Variants in SLC35F1 observed in about 807,000 individuals in gnomAD.
SLC35F1 encodes the protein chromosome 6 open reading frame 169.
Under a neutral mutation model 48.7 loss-of-function variants are expected in SLC35F1, and 14 were observed. The ratio of observed to expected loss-of-function variants is 0.29; its 90% CI spans 0.19 to 0.45. The LOEUF (loss-of-function observed/expected upper bound fraction) is 0.45, where lower values mean the gene tolerates loss of function less well. Ranked by LOEUF, SLC35F1 falls within the 20% of genes least tolerant of loss-of-function variation. SLC35F1 has a pLI of 1.00. For missense variants in SLC35F1, 404 were observed against 500.0 expected (o/e 0.81, Z 1.83); for synonymous variants, 190 against 202.2 (o/e 0.94, Z 0.51).
intron 1 of SLC35F1, among the ~76,000 whole-genome samples, chr6:117,965,537 A>G (rs1389306526): frequency 6.6e-6 from 1 of 152,184 alleles, no homozygotes; most frequent in Non-Finnish European, 1.5e-5. Context: ...TTAGGGAGGA[A>G]GAGCACCCGT....
At chr6:118,240,222 G>A (rs1216892825) in intron 3 of SLC35F1, among the ~76,000 whole-genome samples, 1 of 152,228 alleles carries the variant, frequency 6.6e-6, no homozygotes, top group Non-Finnish European at 1.5e-5. Context: ...AACACCAAGT[G>A]TGGCAAGAGA....
chr6:118,028,887 C>A (rs1223370075), intron 1 of SLC35F1, among the ~76,000 whole-genome samples: 2 of 151,904 alleles, frequency 1.3e-5, no homozygotes, highest in Non-Finnish European at 2.9e-5. Flanking sequence ...GAAATATAAT[C>A]CTGGGTTTGG....
In SLC35F1 at chr6:118,051,277, A is replaced by T. The variant is rs76494264; in HGVS notation, c.174-103168A>T. Among the ~76,000 whole-genome samples the T allele has an allele frequency of 2.6e-5, 4 of 152,238 alleles. No individual in the cohort carries two copies. The East Asian group carries it at 7.7e-4, about 29-fold the overall frequency. Reference sequence around the variant, plus strand: ...ATTTAATTTTCCAAAAAAGAAGCTCAAAGTGTATTTCCTTTTGTTCCTTTA... The same window carrying T: ...ATTTAATTTTCCAAAAAAGAAGCTCTAAGTGTATTTCCTTTTGTTCCTTTA... On this transcript the variant is annotated intron_variant, in intron 1 of 7. Transcript: ENST00000360388.
intron 6 of SLC35F1, among the ~76,000 whole-genome samples, chr6:118,284,654 A>AT (rs1337392260): frequency 7.2e-5 from 11 of 152,184 alleles, no homozygotes; most frequent in Admixed American, 1.3e-4. Flanking sequence ...CCAGCAATGA[A>AT]TTCGTCCACC....
At chr6:118,086,208 A>G (rs1227816494) in intron 1 of SLC35F1, among the ~76,000 whole-genome samples, 1 of 152,198 alleles carries the variant, frequency 6.6e-6, no homozygotes, top group African/African-American at 2.4e-5. Flanking sequence ...CCCATTGGAG[A>G]CTAGTCCCTG....
chr6:117,923,651 G>GTATATATGTATATA (rs1554216680), intron 1 of SLC35F1, among the ~76,000 whole-genome samples: 3 of 17,500 alleles, frequency 1.7e-4, no homozygotes, highest in Admixed American at 7.4e-4. Context: ...ATGTACATAT[G>GTATATATGTATATA]TACATATGTA....
chr6:118,164,866 T>C (rs1420234953), intron 2 of SLC35F1, among the ~76,000 whole-genome samples: 4 of 152,206 alleles, frequency 2.6e-5, no homozygotes, highest in Non-Finnish European at 4.4e-5. Flanking sequence ...ACAGTCATTT[T>C]AGATATTTTC....
chr6:118,150,865 A>G (rs1774046262), intron 1 of SLC35F1, among the ~76,000 whole-genome samples: 1 of 152,112 alleles, frequency 6.6e-6, no homozygotes, highest in African/African-American at 2.4e-5. Flanking sequence ...AAATTCTGCA[A>G]AGTCAACATC....
In SLC35F1 at chr6:118,017,560, A is replaced by C. The variant is rs1206354149; in HGVS notation, c.173+109661A>C. ...ACTTCAAGTAGAGAGTGCTCTTCTA[A>C]ATAATGGCAACTTGGCAACTGCATG... On this transcript the variant is annotated intron_variant, in intron 1 of 7. Coordinates refer to ENST00000360388, the MANE Select transcript of SLC35F1 (RefSeq NM_001029858.4). 2.6e-5 allele frequency among the ~76,000 whole-genome samples: 4 copies of C among 152,158 alleles called. No homozygotes were observed. In the East Asian group the frequency reaches 7.7e-4, roughly 29 times the overall value.
intron 2 of SLC35F1, among the ~76,000 whole-genome samples, chr6:118,176,789 C>CT (rs1774495464): frequency 1.3e-5 from 2 of 152,008 alleles, no homozygotes; most frequent in South Asian, 4.1e-4. Context: ...TTGTATTATA[C>CT]TTTATGTTGG....
intron 2 of SLC35F1, among the ~76,000 whole-genome samples, chr6:118,200,325 A>G (rs1054811698): frequency 6.6e-6 from 1 of 152,168 alleles, no homozygotes; most frequent in Non-Finnish European, 1.5e-5. Context: ...TAGTATGGAC[A>G]ACTGGGGATT....
Position 118,314,011 on chromosome 6 carries a change from C to T in SLC35F1, c.1003-17C>T, listed in dbSNP as rs1330477639. ...CTGCCCTGGCTGTCAAATGACTTTA[C>T]TGTTGTGTTTTTTTAGTTTTCAGGA... On this transcript the variant is annotated splice_polypyrimidine_tract_variant and intron_variant, in intron 7 of 7. Coordinates refer to ENST00000360388, the MANE Select transcript of SLC35F1 (RefSeq NM_001029858.4). 2.5e-6 allele frequency: 4 copies of T among 1,612,486 alleles called. No individual in the cohort carries two copies. The highest frequency in any genetic ancestry group is 2.2e-5 in the East Asian group (1 of 44,880).
intron 7 of SLC35F1, among the ~76,000 whole-genome samples, chr6:118,305,203 A>G (rs1776299004): frequency 6.6e-6 from 1 of 151,086 alleles, no homozygotes; most frequent in Non-Finnish European, 1.5e-5. Flanking sequence ...TCCAGGAAAA[A>G]AGTTGTCTGA....
At position 118,036,011 on chromosome 6, in the gene SLC35F1, A is replaced by T. The variant is rs527627204; in HGVS notation, c.174-118434A>T. ...CCAGACAAGGCTTTGTTAATTTTTT[A>T]AAATTATTTTTCTATCATTTATCCC... On this transcript the variant is annotated intron_variant, in intron 1 of 7. Coordinates refer to ENST00000360388, the MANE Select transcript of SLC35F1 (RefSeq NM_001029858.4). Among the ~76,000 whole-genome samples the T allele has an allele frequency of 2.6e-5, 4 of 152,174 alleles. No homozygotes were observed. The South Asian group carries it at 8.3e-4, about 32-fold the overall frequency.
chr6:117,954,571 T>C (rs574623894), intron 1 of SLC35F1, among the ~76,000 whole-genome samples: 3 of 152,280 alleles, frequency 2.0e-5, no homozygotes, highest in African/African-American at 7.2e-5. Context: ...TTTTTTCTTT[T>C]TAAAGAGTCA....
chr6:118,003,886 A>C (rs1487963736), intron 1 of SLC35F1, among the ~76,000 whole-genome samples: 19 of 152,168 alleles, frequency 1.2e-4, no homozygotes, highest in Non-Finnish European at 8.8e-5. Context: ...GAGGGAGATG[A>C]GGTAAGAGGA....
chr6:118,286,007 G>C (rs1776044321), intron 7 of SLC35F1, among the ~76,000 whole-genome samples: 1 of 152,062 alleles, frequency 6.6e-6, no homozygotes, highest in South Asian at 2.1e-4. Flanking sequence ...GGCACACTGA[G>C]GTCAGATCCT....
intron 1 of SLC35F1, among the ~76,000 whole-genome samples, chr6:118,067,193 AG>A (rs1312185881): frequency 6.6e-6 from 1 of 152,200 alleles, no homozygotes; most frequent in African/African-American, 2.4e-5. Flanking sequence ...AGGTCAGATA[AG>A]GTCATAAAAT....
chr6:118,186,273 C>T (rs1031836283), intron 2 of SLC35F1, among the ~76,000 whole-genome samples: 1 of 152,102 alleles, frequency 6.6e-6, no homozygotes, highest in African/African-American at 2.4e-5. Context: ...AGTTCTGGTT[C>T]CATTGTACCC....
Sources: gnomAD v4.1 joint callset for allele counts (sites outside exome capture counted in the v4.1 genomes callset) on GRCh38, gnomAD v4.1.1 for gene constraint, MANE v1.5 for transcripts, NCBI Gene and HGNC (gene_info 2026-07-23, HGNC 2026-07-21) for gene names.